SUN1: variants seen among roughly 807,000 people sequenced by gnomAD.
SUN1 encodes the protein Sad1 and UNC84 domain containing 1.
Under a neutral mutation model 103.2 loss-of-function variants are expected in SUN1, and 61 were observed. That is an observed-to-expected ratio of 0.59 (90% CI 0.48 to 0.73). The LOEUF is 0.73. Ranked by LOEUF, SUN1 falls within the 30% of genes least tolerant of loss-of-function variation. The pLI is 0.00. For synonymous variants in SUN1, 490 were observed against 425.7 expected, an observed-to-expected ratio of 1.15 and a Z score of -1.86; for missense variants, 1,052 against 1,034.6, an observed-to-expected ratio of 1.02 and a Z score of -0.23.
chr7:865,967 G>A lies in SUN1; in HGVS notation c.1880G>A (p.Ser627Asn), dbSNP rs373401176. The part of the protein sequence containing the change: ...ALESGGGSIL[S>N]TRCSETYETK... ...TTGCTTTAAGGTGGCAGCATCTTGA[G>A]TACTCGCTGTTCTGAAACTTACGAA... The change falls in exon 16 of 19, where the codon AGT becomes AAT. Residue 627 changes from serine (S) to asparagine (N), a missense_variant. This residue lies in a region of SUN1 where 206 missense variants were observed against 260.1 expected (regional missense o/e 0.79). Coordinates refer to ENST00000401592, the MANE Select transcript of SUN1 (RefSeq NM_001130965.3). 21 of 1,613,996 alleles carry A rather than the reference G, an allele frequency of 1.3e-5. No individual in the cohort carries two copies. Among genetic ancestry groups the A allele is most frequent in the Non-Finnish European group, 1.7e-5 (20 of 1,180,000 alleles).
rs1824104633 is a variant in SUN1 at position 853,430 on chromosome 7, T to G, written c.1075T>G (p.Trp359Gly). ...PLQGDSEAFP[W>G]HWMSGVEQQV... ...TCAGGGTGACAGTGAGGCTTTTCCG[T>G]GGCATTGGATGAGTGGCGTGGAGCA... The change falls in exon 10 of 19, where the codon TGG becomes GGG. Residue 359 changes from tryptophan to glycine, a missense_variant. Physicochemically the swap from Trp to Gly is radical, Grantham distance 184. Transcript: ENST00000401592. The G allele has an allele frequency of 1.2e-6, 2 of 1,613,804 alleles. No homozygotes were observed. The highest frequency in any genetic ancestry group is 2.7e-5 in the African/African-American group (2 of 74,940).
intron 1 of SUN1, chr7:817,550 C>T (rs1781945759): frequency 2.0e-6 from 3 of 1,530,938 alleles, no homozygotes; most frequent in Non-Finnish European, 2.6e-6. Context: ...CTTGTGGTTG[C>T]TGCGTCTGGC....
rs951126395 is a variant in SUN1, at chr7:858,574, GTTGCTGTGTACC to G, written c.1524+620_1524+631del. Among the ~76,000 whole-genome samples, 47 of 152,196 alleles carry G rather than the reference GTTGCTGTGTACC, an allele frequency of 3.1e-4. 2 individuals are homozygous for G. On this transcript the variant is annotated intron_variant, in intron 13 of 18. Coordinates refer to ENST00000401592, the MANE Select transcript of SUN1 (RefSeq NM_001130965.3). ...GCCAGCACTGACTTGGGGCTGGGTT[GTTGCTGTGTACC>G]TTTCATTAGATAGACCCACGCTGTA...
intron 1 of SUN1, among the ~76,000 whole-genome samples, chr7:825,564 T>C (rs1206577371): frequency 6.6e-6 from 1 of 152,256 alleles, no homozygotes; most frequent in Non-Finnish European, 1.5e-5. Flanking sequence ...CCCTTTCAAA[T>C]ATTTTTAGGT....
At chr7:835,723 G>A (rs1251813539) in intron 1 of SUN1, among the ~76,000 whole-genome samples, 1 of 152,224 alleles carries the variant, frequency 6.6e-6, no homozygotes, top group Non-Finnish European at 1.5e-5. Context: ...TAGCGCTGAG[G>A]CTGATGGATG....
upstream of SUN1, chr7:830,966 T>C (rs1797389704): frequency 5.1e-6 from 5 of 985,360 alleles, no homozygotes; most frequent in Non-Finnish European, 6.0e-6. Context: ...CCAGGCATGG[T>C]GTATAGGTGG....
chr7:848,547 A>C, intron 5 of SUN1: 1 of 1,360,994 alleles, frequency 7.3e-7, no homozygotes, highest in African/African-American at 1.5e-5. Context: ...GAAAATTACA[A>C]ATTGAAAACT....
At chr7:829,760 TAGCC>T (rs1354562720), upstream of SUN1, among the ~76,000 whole-genome samples, 6 of 152,098 alleles carry the variant, frequency 3.9e-5, no homozygotes, top group Non-Finnish European at 8.8e-5. Flanking sequence ...TTCACTGTGT[TAGCC>T]AGGATGGTCT....
chr7:832,268 G>T (rs1798668964), upstream of SUN1, among the ~76,000 whole-genome samples: 1 of 152,172 alleles, frequency 6.6e-6, no homozygotes, highest in Non-Finnish European at 1.5e-5. Context: ...GGTTCCCCTG[G>T]TCTTTTTCTC....
Position 835,779 on chromosome 7 carries a change from G to C in SUN1, c.78-3019G>C, listed in dbSNP as rs530315120. Among the ~76,000 whole-genome samples, 7 of 152,342 alleles carry C rather than the reference G, an allele frequency of 4.6e-5. No individual in the cohort carries two copies. The South Asian group carries it at 1.2e-3, about 27-fold the overall frequency. On this transcript the variant is annotated intron_variant, in intron 1 of 18. Coordinates refer to ENST00000401592, the MANE Select transcript of SUN1 (RefSeq NM_001130965.3). Reference sequence around the variant, plus strand: ...CAGTAAAATCCAGCCATTGGTGATGGTTGCCTTGAACTTCAGGGTCAGAGG... The same window carrying C: ...CAGTAAAATCCAGCCATTGGTGATGCTTGCCTTGAACTTCAGGGTCAGAGG...
intron 1 of SUN1, among the ~76,000 whole-genome samples, chr7:818,294 A>G (rs1397732926): frequency 6.6e-6 from 1 of 152,242 alleles, no homozygotes; most frequent in African/African-American, 2.4e-5. Flanking sequence ...TACAATATGC[A>G]GCCGCTTGTG....
intron 1 of SUN1, among the ~76,000 whole-genome samples, chr7:822,807 A>C (rs1339831656): frequency 2.0e-5 from 3 of 152,236 alleles, no homozygotes; most frequent in African/African-American, 4.8e-5. Context: ...ACGAGGAAGC[A>C]TATGAAGGCC....
At chr7:822,995 C>G (rs1240600593) in intron 1 of SUN1, among the ~76,000 whole-genome samples, 2 of 152,204 alleles carry the variant, frequency 1.3e-5, no homozygotes, top group South Asian at 2.1e-4. Context: ...CCCGCGAATT[C>G]CCGCACGCAC....
chr7:861,609 A>C, intron 15 of SUN1, 145 bp downstream of exon 15: 1 of 812,664 alleles, frequency 1.2e-6, no homozygotes, highest in Non-Finnish European at 2.0e-6. Context: ...GATTCTGGGC[A>C]TGACCCTGGT....
At chr7:821,238 C>T (rs935250041) in intron 1 of SUN1, among the ~76,000 whole-genome samples, 3 of 131,576 alleles carry the variant, frequency 2.3e-5, no homozygotes, top group South Asian at 2.4e-4. Flanking sequence ...GGAGCGATCT[C>T]GGCTCACTGC....
chr7:845,278 A>G (rs1201389758), intron 5 of SUN1, among the ~76,000 whole-genome samples: 1 of 152,106 alleles, frequency 6.6e-6, no homozygotes, highest in East Asian at 1.9e-4. Flanking sequence ...CCCGAAACTC[A>G]TGGCGCCTCC....
At chr7:821,820 G>A (rs1786338122) in intron 1 of SUN1, among the ~76,000 whole-genome samples, 1 of 152,188 alleles carries the variant, frequency 6.6e-6, no homozygotes, top group African/African-American at 2.4e-5. Context: ...GCGGGAAAGG[G>A]AGTTCCCACA....
intron 1 of SUN1, among the ~76,000 whole-genome samples, chr7:834,379 C>T (rs1164621014): frequency 6.6e-6 from 1 of 152,124 alleles, no homozygotes; most frequent in Non-Finnish European, 1.5e-5. Flanking sequence ...AGCTCTGGAT[C>T]AGGACCAGAG....
chr7:842,287 G>A (rs989597340), intron 3 of SUN1, among the ~76,000 whole-genome samples, 157 bp downstream of exon 3: 1 of 152,148 alleles, frequency 6.6e-6, no homozygotes, highest in Non-Finnish European at 1.5e-5. Context: ...TGCGTGACTG[G>A]CTGGTAGGAG....
Sources: gnomAD v4.1 joint callset for allele counts (sites outside exome capture counted in the v4.1 genomes callset) on GRCh38, gnomAD v4.1.1 for gene constraint, gnomAD v4.1.1 regional missense constraint, MANE v1.5 for transcripts, NCBI Gene and HGNC (gene_info 2026-07-23, HGNC 2026-07-21) for gene names.